The following LRP1B variants were observed in gnomAD, a reference collection of about 807,000 sequenced individuals.
LRP1B encodes low-density lipoprotein receptor-related protein 1B.
In LRP1B, 217 loss-of-function variants were observed where a neutral mutation model predicts 556.6. That is an observed-to-expected ratio of 0.39 (90% confidence interval 0.35 to 0.44). The LOEUF (loss-of-function observed/expected upper bound fraction) is 0.44. Ranked by LOEUF, LRP1B falls within the 20% of genes least tolerant of loss-of-function variation. The probability of loss-of-function intolerance (pLI) is 1.00; values close to 1 mark genes in which losing one functional copy is unlikely to be tolerated. For missense variants in LRP1B, 5,053 were observed against 5,620.8 expected (o/e 0.90, Z 3.23); for synonymous variants, 2,047 against 1,865.8 (o/e 1.10, Z -2.50).
chr2:141,548,427 G>A (rs976720574), intron 2 of LRP1B, among the ~76,000 whole-genome samples: 1 of 152,202 alleles, frequency 6.6e-6, no homozygotes, highest in African/African-American at 2.4e-5. Flanking sequence ...AATTAGATGT[G>A]GATTACATAG....
At chr2:140,954,126 C>T (rs1366742221) in intron 18 of LRP1B, among the ~76,000 whole-genome samples, 2 of 152,196 alleles carry the variant, frequency 1.3e-5, no homozygotes. Context: ...ATGTCAGCCA[C>T]TCCTTCGTAA....
chr2:140,604,363 G>T (rs1455633106), intron 41 of LRP1B, among the ~76,000 whole-genome samples: 7 of 151,996 alleles, frequency 4.6e-5, no homozygotes, highest in Admixed American at 2.6e-4. Context: ...AAAAATACAA[G>T]CCAGGCAAGT....
chr2:141,884,639 T>C (rs1169408259), intron 1 of LRP1B, among the ~76,000 whole-genome samples: 3 of 152,254 alleles, frequency 2.0e-5, no homozygotes, highest in Non-Finnish European at 4.4e-5. Context: ...CTTTTAAACA[T>C]ACTCATGTTA....
At chr2:142,010,907 A>G (rs187315469) in intron 1 of LRP1B, among the ~76,000 whole-genome samples, 6 of 152,324 alleles carry the variant, frequency 3.9e-5, no homozygotes, top group East Asian at 1.9e-4. Context: ...GGAAGGTTCA[A>G]TTATGCTGCT....
At chr2:140,572,335 TGAATAGACATCTCTCAAAAGAC>T (rs1681354131) in intron 43 of LRP1B, among the ~76,000 whole-genome samples, 1 of 151,156 alleles carries the variant, frequency 6.6e-6, no homozygotes, top group South Asian at 2.1e-4. Flanking sequence ...GCAAATAAGC[TGAATAGACATCTCTCAAAAGAC>T]GACATGCAAA....
intron 2 of LRP1B, among the ~76,000 whole-genome samples, chr2:141,627,844 A>C (rs1688758402): frequency 6.6e-6 from 1 of 152,202 alleles, no homozygotes; most frequent in East Asian, 1.9e-4. Flanking sequence ...ACCCTGGTGC[A>C]GGATGTTGAT....
intron 1 of LRP1B, among the ~76,000 whole-genome samples, chr2:141,924,482 T>C (rs1376884164): frequency 6.6e-6 from 1 of 152,174 alleles, no homozygotes; most frequent in African/African-American, 2.4e-5. Flanking sequence ...GCTCTCACAC[T>C]GGCCCTCTGC....
At chr2:141,287,025 T>A (rs1685748239) in intron 3 of LRP1B, among the ~76,000 whole-genome samples, 2 of 152,184 alleles carry the variant, frequency 1.3e-5, no homozygotes, top group Non-Finnish European at 2.9e-5. Flanking sequence ...AGTAAAGATT[T>A]GTAAGTTTCT....
intron 2 of LRP1B, among the ~76,000 whole-genome samples, chr2:141,522,701 A>G (rs1360415601): frequency 1.3e-5 from 2 of 152,170 alleles, no homozygotes; most frequent in African/African-American, 4.8e-5. Context: ...CCATGAGGCC[A>G]TGTGTGGGTG....
chr2:141,617,132 A>G (rs577950015), intron 2 of LRP1B, among the ~76,000 whole-genome samples: 1 of 152,190 alleles, frequency 6.6e-6, no homozygotes. Flanking sequence ...TATTTTGATT[A>G]CATTCGGGTG....
intron 72 of LRP1B, among the ~76,000 whole-genome samples, chr2:140,360,514 G>T (rs1321546249): frequency 6.6e-6 from 1 of 151,312 alleles, no homozygotes; most frequent in Non-Finnish European, 1.5e-5. Flanking sequence ...TATTTTGAAG[G>T]CTAGATATTT....
chr2:141,639,302 GTGTATATATATATATATA>G lies in LRP1B; in HGVS notation c.206-158787_206-158770del, dbSNP rs1465329611. On this transcript the variant is annotated intron_variant, in intron 2 of 90. Transcript: ENST00000389484. ...CTGGACCCAGGAGTACGCATCATGT[GTGTATATATATATATATA>G]TATATATATATATATATATATATAT... Among the ~76,000 whole-genome samples, 169 of 33,028 alleles carry G rather than the reference GTGTATATATATATATATA, an allele frequency of 5.1e-3. 3 individuals are homozygous for G. The highest frequency in any genetic ancestry group is 0.013 in the African/African-American group (159 of 12,652). 21.7% of individuals were successfully genotyped at this position (33,028 alleles called of 152,430 possible). A position where few individuals can be genotyped will look rare whatever the true frequency, so the allele number is the denominator to read the frequency against.
chr2:141,614,138 T>C (rs1411337081), intron 2 of LRP1B, among the ~76,000 whole-genome samples: 1 of 137,708 alleles, frequency 7.3e-6, no homozygotes, highest in Non-Finnish European at 1.6e-5. Context: ...ATTCTCAGAA[T>C]CCTGAATGGG....
In LRP1B at chr2:141,926,557, TC is replaced by T. The variant is rs774668868; in HGVS notation, c.83-116157del. On this transcript the variant is annotated intron_variant, in intron 1 of 90. Coordinates refer to ENST00000389484, the MANE Select transcript of LRP1B (RefSeq NM_018557.3). ...CACCACTTCCAACCTATTAGATAGCTCACACACCCACCTTTCTACATACTTC... is the reference window on the plus strand; with the variant it reads ...CACCACTTCCAACCTATTAGATAGCTACACACCCACCTTTCTACATACTTC... Among the ~76,000 whole-genome samples, 152 of 152,286 alleles carry T rather than the reference TC, an allele frequency of 1.0e-3. No homozygotes were observed. The East Asian group carries it at 0.021, about 21-fold the overall frequency.
intron 46 of LRP1B, 25 bp downstream of exon 46, chr2:140,536,556 G>A (rs544495330): frequency 3.8e-6 from 6 of 1,580,578 alleles, no homozygotes; most frequent in East Asian, 2.3e-5. Flanking sequence ...TATCTGAAAC[G>A]AGCAAACCCA....
chr2:141,097,193 C>A (rs1700344570), intron 7 of LRP1B, among the ~76,000 whole-genome samples: 1 of 152,078 alleles, frequency 6.6e-6, no homozygotes, highest in Non-Finnish European at 1.5e-5. Flanking sequence ...GAATTCTGCT[C>A]AAAGTTGACA....
intron 14 of LRP1B, among the ~76,000 whole-genome samples, chr2:141,009,143 G>T (rs1291794999): frequency 6.6e-6 from 1 of 151,148 alleles, no homozygotes; most frequent in Non-Finnish European, 1.5e-5. Flanking sequence ...GGCAAAGTGA[G>T]AATTCTCTGC....
chr2:140,633,403 C>T (rs1208546357), intron 41 of LRP1B, among the ~76,000 whole-genome samples: 1 of 152,044 alleles, frequency 6.6e-6, no homozygotes, highest in African/African-American at 2.4e-5. Context: ...TAATCTCAGG[C>T]TCTACTGCAG....
intron 29 of LRP1B, among the ~76,000 whole-genome samples, chr2:140,849,368 T>G (rs1487317229): frequency 7.1e-6 from 1 of 140,442 alleles, no homozygotes; most frequent in Non-Finnish European, 1.5e-5. Context: ...TGAGACTCTG[T>G]CTCAAAAAAA....
Sources: gnomAD v4.1 joint callset for allele counts (sites outside exome capture counted in the v4.1 genomes callset) on GRCh38, gnomAD v4.1.1 for gene constraint, MANE v1.5 for transcripts, NCBI Gene and HGNC (gene_info 2026-07-23, HGNC 2026-07-21) for gene names.